Variants in CFAP47 observed in about 807,000 individuals in gnomAD.
The protein encoded by CFAP47 is cilia- and flagella-associated protein 47.
Under a neutral mutation model 148.1 loss-of-function variants are expected in CFAP47, and 29 were observed. That is an observed-to-expected ratio of 0.20 (90% CI 0.15 to 0.27). CFAP47 has a LOEUF of 0.27. CFAP47 is among the 10% of genes least tolerant of loss of function. The probability of loss-of-function intolerance (pLI) is 1.00; values close to 1 mark genes in which losing one functional copy is unlikely to be tolerated. For synonymous variants in CFAP47, 664 were observed against 577.3 expected, an observed-to-expected ratio of 1.15 and a Z score of -2.15; for missense variants, 1,872 against 1,697.5, an observed-to-expected ratio of 1.10 and a Z score of -1.81.
intron 27 of CFAP47, among the ~76,000 whole-genome samples, chrX:36,069,412 G>A (rs1246712429): frequency 9.1e-6 from 1 of 109,795 alleles, no homozygotes; most frequent in Non-Finnish European, 1.9e-5. Flanking sequence ...AAATAATATT[G>A]TTATCTCTTT....
intron 46 of CFAP47, among the ~76,000 whole-genome samples, chrX:36,231,856 A>C (rs1239908366): frequency 1.8e-5 from 2 of 111,699 alleles, no homozygotes; most frequent in Non-Finnish European, 3.8e-5. Context: ...CCTTTTCTGC[A>C]TCTATTGAGA....
intron 3 of CFAP47, among the ~76,000 whole-genome samples, chrX:35,943,241 T>A (rs1936036691): frequency 8.9e-6 from 1 of 111,996 alleles, no homozygotes; most frequent in Non-Finnish European, 1.9e-5. Flanking sequence ...TTTAATAACA[T>A]TTTTAAAAAA....
intron 26 of CFAP47, among the ~76,000 whole-genome samples, chrX:36,053,546 A>G (rs989512650): frequency 1.8e-5 from 2 of 111,488 alleles, no homozygotes. Flanking sequence ...TAGAGTTCAC[A>G]TGAGACCGCT....
chrX:36,029,844 C>T (rs1214842555), intron 22 of CFAP47, among the ~76,000 whole-genome samples: 1 of 110,209 alleles, frequency 9.1e-6, no homozygotes, highest in Non-Finnish European at 1.9e-5. Context: ...CTTGACTTTT[C>T]TAAATCTTAA....
At chrX:35,949,178 G>A (rs72628185) in intron 4 of CFAP47, among the ~76,000 whole-genome samples, 12,476 of 94,109 alleles carry the variant, frequency 0.13, 701 homozygotes, top group East Asian at 0.23. Context: ...TGTGTGTTCC[G>A]GCACTGGAAT....
intron 40 of CFAP47, among the ~76,000 whole-genome samples, chrX:36,182,186 T>C (rs1602033004): frequency 8.9e-6 from 1 of 112,327 alleles, no homozygotes; most frequent in East Asian, 2.8e-4. Context: ...GATAAGAGTG[T>C]GCCTTTTTCT....
intron 32 of CFAP47, among the ~76,000 whole-genome samples, chrX:36,103,059 C>T (rs1938402358): frequency 9.0e-6 from 1 of 110,881 alleles, no homozygotes; most frequent in Admixed American, 9.7e-5. Flanking sequence ...CACTGTATGG[C>T]ATAAATATGC....
chrX:36,314,959 G>C (rs1476527948), intron 56 of CFAP47, among the ~76,000 whole-genome samples: 1 of 111,617 alleles, frequency 9.0e-6, no homozygotes, highest in African/African-American at 3.3e-5. Context: ...AAGCTCAGAA[G>C]ATTTAAGCCA....
In CFAP47 at chrX:35,991,677, A is replaced by G. The variant is rs184184806; in HGVS notation, c.2845-144A>G. On this transcript the variant is annotated intron_variant, in intron 16 of 63. Transcript: ENST00000378653. Reference sequence around the variant, plus strand: ...ACTGAATAAAGAATATAGGAGTATTATAATTTTTATTTTCTTTTAGTATTT... The same window carrying G: ...ACTGAATAAAGAATATAGGAGTATTGTAATTTTTATTTTCTTTTAGTATTT... 1.6e-5 allele frequency: 4 copies of G among 253,217 alleles called. No homozygotes were observed. In the East Asian group the frequency reaches 2.3e-4, roughly 15 times the overall value. 20.9% of individuals were successfully genotyped at this position (253,217 alleles called of 1,213,427 possible).
chrX:36,298,001 C>T (rs1464116084), intron 51 of CFAP47, among the ~76,000 whole-genome samples: 4 of 108,934 alleles, frequency 3.7e-5, no homozygotes, highest in South Asian at 4.1e-4. Context: ...GTCAGTGTGG[C>T]GATTCCTCAG....
At chrX:36,025,257 A>G (rs73468958) in intron 22 of CFAP47, among the ~76,000 whole-genome samples, 2,041 of 111,441 alleles carry the variant, frequency 0.018, 49 homozygotes, top group African/African-American at 0.062. Context: ...TTCTAGATGA[A>G]TGTTGTCACA....
At chrX:36,315,796 G>T (rs1037617820) in intron 56 of CFAP47, among the ~76,000 whole-genome samples, 2 of 111,237 alleles carry the variant, frequency 1.8e-5, no homozygotes, top group Admixed American at 9.6e-5. Flanking sequence ...TAGCTGCCTT[G>T]AGCCTCATGT....
At chrX:35,937,759 T>C (rs1935939492) in intron 2 of CFAP47, among the ~76,000 whole-genome samples, 1 of 90,833 alleles carries the variant, frequency 1.1e-5, no homozygotes, top group African/African-American at 6.2e-5. Context: ...TGGAATGTGA[T>C]TAAAAAAAAC....
intron 56 of CFAP47, among the ~76,000 whole-genome samples, chrX:36,315,009 GCTCA>G (rs1438785253): frequency 3.6e-5 from 4 of 111,659 alleles, no homozygotes; most frequent in African/African-American, 1.3e-4. Context: ...TAGCAGAAAA[GCTCA>G]CAGTATATAC....
chrX:36,186,316 A>G (rs1432451111), intron 40 of CFAP47, among the ~76,000 whole-genome samples: 2 of 111,238 alleles, frequency 1.8e-5, no homozygotes, highest in African/African-American at 6.5e-5. Context: ...CTGCCCTTCT[A>G]TCTTAGGACT....
chrX:36,085,627 T>C (rs1938070921), intron 30 of CFAP47, 89 bp downstream of exon 30: 1 of 465,370 alleles, frequency 2.1e-6, no homozygotes, highest in Admixed American at 3.9e-5. Flanking sequence ...GATATTATTT[T>C]CCTTTCTAAC....
At chrX:35,927,049 T>A (rs1935752383) in intron 2 of CFAP47, among the ~76,000 whole-genome samples, 2 of 108,130 alleles carry the variant, frequency 1.8e-5, no homozygotes, top group African/African-American at 3.4e-5. Context: ...CAGCTACTTG[T>A]AGGGCTGAGG....
intron 26 of CFAP47, among the ~76,000 whole-genome samples, chrX:36,050,807 T>A (rs1937516732): frequency 9.0e-6 from 1 of 111,517 alleles, no homozygotes; most frequent in African/African-American, 3.3e-5. Context: ...CCTGGATGCC[T>A]AAGAGGGAAA....
chrX:36,192,070 A>G (rs1939872124), intron 42 of CFAP47, among the ~76,000 whole-genome samples: 1 of 111,441 alleles, frequency 9.0e-6, no homozygotes, highest in African/African-American at 3.3e-5. Flanking sequence ...AAATTGAAAC[A>G]TTGCTACCAA....
Sources: gnomAD v4.1 joint callset for allele counts (sites outside exome capture counted in the v4.1 genomes callset) on GRCh38, gnomAD v4.1.1 for gene constraint, MANE v1.5 for transcripts, NCBI Gene and HGNC (gene_info 2026-07-23, HGNC 2026-07-21) for gene names.